GLI3: variants seen among roughly 807,000 people sequenced by gnomAD.
GLI3 encodes transcription activator GLI3.
Under a neutral mutation model 100.8 loss-of-function variants are expected in GLI3, and 20 were observed. That is an observed-to-expected ratio of 0.20 (90% confidence interval 0.14 to 0.29). The LOEUF is 0.29. Ranked by LOEUF, GLI3 falls within the 10% of genes least tolerant of loss-of-function variation. The pLI is 1.00. For synonymous variants in GLI3, 938 were observed against 860.5 expected (o/e 1.09, Z -1.58); for missense variants, 2,040 against 2,128.5 (o/e 0.96, Z 0.82).
chr7:42,084,217 T>A (rs1785054280), intron 3 of GLI3, among the ~76,000 whole-genome samples: 1 of 152,232 alleles, frequency 6.6e-6, no homozygotes, highest in Non-Finnish European at 1.5e-5. Flanking sequence ...TCCTTTTTTT[T>A]AAACAGTCAG....
At chr7:42,254,854 C>T (rs575181515) in intron 1 of GLI3, among the ~76,000 whole-genome samples, 4 of 151,300 alleles carry the variant, frequency 2.6e-5, no homozygotes, top group Admixed American at 6.6e-5. Context: ...GTTGGCTGAT[C>T]TTTGACCTGT....
In GLI3 at chr7:42,040,254, A is replaced by T; in HGVS notation, c.827-15T>A. 1.9e-6 allele frequency: 3 copies of T among 1,593,642 alleles called. No homozygotes were observed. Among genetic ancestry groups the T allele is most frequent in the South Asian group, 1.1e-5 (1 of 90,584 alleles). The stretch of plus-strand genomic sequence containing the variant: ...GAATCTGGTGCCTGTTATATAAACA[A>T]AAAAGAACCTAATTACCTGCAGTTG... On this transcript the variant is annotated splice_polypyrimidine_tract_variant and intron_variant, in intron 6 of 14. Coordinates refer to ENST00000395925, the MANE Select transcript of GLI3 (RefSeq NM_000168.6).
At chr7:42,158,150 T>C (rs1562764016) in intron 2 of GLI3, among the ~76,000 whole-genome samples, 1 of 152,200 alleles carries the variant, frequency 6.6e-6, no homozygotes, top group Non-Finnish European at 1.5e-5. Flanking sequence ...AAGGCATAAA[T>C]GGGAAATGCG....
At chr7:42,039,426 A>G (rs1232022040) in intron 7 of GLI3, among the ~76,000 whole-genome samples, 1 of 152,264 alleles carries the variant, frequency 6.6e-6, no homozygotes, top group Non-Finnish European at 1.5e-5. Context: ...ATCCACGGTT[A>G]ACAAAGGTGT....
At chr7:42,002,678 T>A (rs1445375094) in intron 10 of GLI3, among the ~76,000 whole-genome samples, 1 of 152,222 alleles carries the variant, frequency 6.6e-6, no homozygotes, top group Non-Finnish European at 1.5e-5. Context: ...ATCGTCAAGA[T>A]AAAATTATAA....
intron 1 of GLI3, among the ~76,000 whole-genome samples, chr7:42,252,971 T>C (rs1455228485): frequency 6.6e-6 from 1 of 152,210 alleles, no homozygotes; most frequent in African/African-American, 2.4e-5. Context: ...TATTAAAATG[T>C]CTAAAAGCTC....
chr7:42,025,912 A>G (rs1289321072), intron 8 of GLI3, among the ~76,000 whole-genome samples: 4 of 152,232 alleles, frequency 2.6e-5, no homozygotes, highest in African/African-American at 9.6e-5. Context: ...CTGCACTGAC[A>G]TGGGATGCAG....
chr7:42,020,889 C>CAAAAAAAAAAAAAAAA (rs371389453), intron 10 of GLI3, among the ~76,000 whole-genome samples: 2 of 113,122 alleles, frequency 1.8e-5, no homozygotes, highest in African/African-American at 6.9e-5. Flanking sequence ...GACTCCGTCT[C>CAAAAAAAAAAAAAAAA]AAAAAAAAAA....
intron 10 of GLI3, among the ~76,000 whole-genome samples, chr7:42,021,369 T>C (rs1177047053): frequency 7.2e-5 from 11 of 152,210 alleles, no homozygotes; most frequent in Non-Finnish European, 1.5e-4. Context: ...TCATATTTTT[T>C]AAAGACCATT....
At chr7:42,149,250 G>C (rs1562758761) in intron 2 of GLI3, among the ~76,000 whole-genome samples, 1 of 152,300 alleles carries the variant, frequency 6.6e-6, no homozygotes, top group East Asian at 1.9e-4. Context: ...GGGGGATGTT[G>C]ATATGTGTCC....
intron 4 of GLI3, among the ~76,000 whole-genome samples, chr7:42,065,912 G>A (rs1784664743): frequency 6.6e-6 from 1 of 152,064 alleles, no homozygotes; most frequent in African/African-American, 2.4e-5. Context: ...CTAGAATGAA[G>A]CACTACTCTC....
At chr7:42,196,702 T>C (rs1425709339) in intron 2 of GLI3, among the ~76,000 whole-genome samples, 3 of 152,212 alleles carry the variant, frequency 2.0e-5, no homozygotes. Context: ...AAATCTCTGT[T>C]GGTACACTTG....
At chr7:42,097,407 G>C (rs1785363151) in intron 3 of GLI3, among the ~76,000 whole-genome samples, 1 of 152,178 alleles carries the variant, frequency 6.6e-6, no homozygotes, top group African/African-American at 2.4e-5. Context: ...TCAGACCCCA[G>C]ACGGTCTCAG....
chr7:42,236,704 C>T (rs1304654034), intron 1 of GLI3, among the ~76,000 whole-genome samples: 1 of 152,224 alleles, frequency 6.6e-6, no homozygotes, highest in African/African-American at 2.4e-5. Flanking sequence ...AACTTCGTCC[C>T]CCCTCCGGGA....
upstream of GLI3, chr7:42,237,924 GC>G: frequency 6.8e-6 from 1 of 148,126 alleles, no homozygotes; most frequent in Non-Finnish European, 1.5e-5. Flanking sequence ...GGGGTCGGGG[GC>G]TGGGGGGGAG....
At chr7:42,237,723 G>C (rs1410338976), upstream of GLI3, 1 of 152,206 alleles carries the variant, frequency 6.6e-6, no homozygotes, top group East Asian at 2.0e-4. Flanking sequence ...GCGCTGAGCA[G>C]CAGGACGCCT....
intron 9 of GLI3, 36 bp downstream of exon 9, chr7:42,025,228 G>C (rs759505237): frequency 7.3e-7 from 1 of 1,369,552 alleles, no homozygotes; most frequent in Non-Finnish European, 1.0e-6. Flanking sequence ...GTCTTGGGAG[G>C]AGTGGGCGCT....
chr7:42,244,771 A>C (rs752642963), intron 1 of GLI3, among the ~76,000 whole-genome samples: 1 of 152,156 alleles, frequency 6.6e-6, no homozygotes, highest in Admixed American at 6.5e-5. Flanking sequence ...CATCAAAGTT[A>C]GTTTCCCAAG....
chr7:42,214,094 C>A (rs1444933575), intron 2 of GLI3, among the ~76,000 whole-genome samples: 1 of 152,178 alleles, frequency 6.6e-6, no homozygotes. Context: ...CTCCAAGGCC[C>A]CGTTATTTCA....
Sources: allele counts gnomAD v4.1 joint callset (sites outside exome capture counted in the v4.1 genomes callset), GRCh38; gene constraint gnomAD v4.1.1; transcripts MANE v1.5; gene names NCBI Gene and HGNC (gene_info 2026-07-23, HGNC 2026-07-21).